CAST: variants seen among roughly 807,000 people sequenced by gnomAD.
CAST encodes calpastatin, also known as MIR583 host.
Under a neutral mutation model 119.6 loss-of-function variants are expected in CAST, and 76 were observed. The observed-to-expected ratio is 0.64, with a 90% CI of 0.53 to 0.77. CAST has a LOEUF of 0.77. Among genes scored for constraint, CAST ranks in the 30% least tolerant of loss-of-function variants. CAST has a pLI of 0.00. For synonymous variants in CAST, 319 were observed against 331.6 expected (o/e 0.96, Z 0.41); for missense variants, 953 against 946.5 (o/e 1.01, Z -0.09).
At chr5:96,131,418 T>C in the CAST span, among the ~76,000 whole-genome samples, 4 of 148,050 alleles carry the variant, frequency 2.7e-5, no homozygotes, top group South Asian at 4.3e-4. Context: ...CTTGTTATTA[T>C]ACACACACAC....
At chr5:96,155,428 A>G in the CAST span, among the ~76,000 whole-genome samples, 1 of 152,248 alleles carries the variant, frequency 6.6e-6, no homozygotes. Context: ...ATACTGGGAA[A>G]TACAGTGATG....
chr5:96,063,331 T>C, the CAST span, among the ~76,000 whole-genome samples: 2 of 152,128 alleles, frequency 1.3e-5, no homozygotes, highest in African/African-American at 4.8e-5. Flanking sequence ...TGTGGAGTTA[T>C]AAAGTCTCAA....
At chr5:96,538,336 G>T (rs1409496199) in intron 1 of CAST, among the ~76,000 whole-genome samples, 1 of 152,122 alleles carries the variant, frequency 6.6e-6, no homozygotes, top group Admixed American at 6.5e-5. Context: ...GCAATATGTG[G>T]ATATGATCCT....
chr5:96,530,416 G>T (rs542446437), intron 1 of CAST, among the ~76,000 whole-genome samples: 1 of 152,166 alleles, frequency 6.6e-6, no homozygotes, highest in African/African-American at 2.4e-5. Flanking sequence ...GGTGATACTG[G>T]AAACCAATAA....
the CAST span, among the ~76,000 whole-genome samples, chr5:96,139,531 CATATATAT>C: frequency 0.019 from 2,361 of 121,660 alleles, 53 homozygotes; most frequent in African/African-American, 0.07. Context: ...TATATATATA[CATATATAT>C]ATGTATATGT....
the CAST span, among the ~76,000 whole-genome samples, chr5:96,389,935 A>C: frequency 6.6e-6 from 1 of 152,060 alleles, no homozygotes; most frequent in Non-Finnish European, 1.5e-5. Flanking sequence ...ACTCTAGCAA[A>C]AGAAAAAAAA....
At chr5:95,973,140 C>T in the CAST span, 1 of 173,090 alleles carries the variant, frequency 5.8e-6, no homozygotes, top group Non-Finnish European at 1.3e-5. Flanking sequence ...TTGTGCTTTC[C>T]TTTCCTTTCC....
At chr5:95,986,419 T>A in the CAST span, 1 of 152,210 alleles carries the variant, frequency 6.6e-6, no homozygotes, top group Non-Finnish European at 1.5e-5. Flanking sequence ...ACTTAGCTAG[T>A]CTGAGTGATA....
the CAST span, among the ~76,000 whole-genome samples, chr5:95,990,178 T>C: frequency 7.6e-3 from 1,164 of 152,190 alleles, 13 homozygotes; most frequent in African/African-American, 0.027. Context: ...CCATGTCTGT[T>C]CCCTTAAGCC....
At chr5:96,622,916 T>G (rs1399945163) in intron 1 of CAST, among the ~76,000 whole-genome samples, 1 of 100,224 alleles carries the variant, frequency 1.0e-5, no homozygotes, top group Non-Finnish European at 1.9e-5. Flanking sequence ...CAGGCTGGAG[T>G]GCAGTGGCGG....
At chr5:95,993,259 C>T in the CAST span, among the ~76,000 whole-genome samples, 1 of 152,110 alleles carries the variant, frequency 6.6e-6, no homozygotes, top group African/African-American at 2.4e-5. Flanking sequence ...AGACCCTACA[C>T]AGAAATTAAT....
chr5:96,668,604 C>G (rs1429788159), intron 1 of CAST, among the ~76,000 whole-genome samples: 2 of 152,260 alleles, frequency 1.3e-5, no homozygotes, highest in Non-Finnish European at 1.5e-5. Context: ...CATAAATTTG[C>G]CAGCCCCTGG....
chr5:96,696,218 T>A (rs1199261759), intron 3 of CAST: 1 of 170,264 alleles, frequency 5.9e-6, no homozygotes, highest in Non-Finnish European at 1.3e-5. Flanking sequence ...AACGTAGTGC[T>A]CCCACTTTAG....
intron 1 of CAST, among the ~76,000 whole-genome samples, chr5:96,566,611 G>A (rs1044846396): frequency 6.6e-6 from 1 of 152,168 alleles, no homozygotes; most frequent in South Asian, 2.1e-4. Flanking sequence ...CATATTCAGA[G>A]CACTGAGCTA....
At chr5:96,294,490 G>C in the CAST span, among the ~76,000 whole-genome samples, 1 of 152,192 alleles carries the variant, frequency 6.6e-6, no homozygotes, top group African/African-American at 2.4e-5. Flanking sequence ...TAATGTCCAG[G>C]AAGTTGATTT....
intron 1 of CAST, among the ~76,000 whole-genome samples, chr5:96,607,263 G>A (rs1202730425): frequency 2.0e-5 from 3 of 152,180 alleles, no homozygotes; most frequent in African/African-American, 7.2e-5. Flanking sequence ...ACTCCAGCCT[G>A]GGCGACAGAG....
At chr5:96,004,483 A>G in the CAST span, among the ~76,000 whole-genome samples, 1 of 152,240 alleles carries the variant, frequency 6.6e-6, no homozygotes, top group Non-Finnish European at 1.5e-5. Flanking sequence ...ATTTTATTAT[A>G]TAAGTGTTCT....
At chr5:96,620,110 C>G (rs184962776) in intron 1 of CAST, among the ~76,000 whole-genome samples, 5 of 152,296 alleles carry the variant, frequency 3.3e-5, no homozygotes, top group African/African-American at 1.2e-4. Context: ...GCTGTTATGA[C>G]CGGAAGGCCA....
chr5:96,295,775 AAAGCAG>A, the CAST span, among the ~76,000 whole-genome samples: 12 of 152,240 alleles, frequency 7.9e-5, no homozygotes, highest in Non-Finnish European at 1.8e-4. Flanking sequence ...AGTGTCACGT[AAAGCAG>A]ACTGCTTGTT....
Sources: gnomAD v4.1 joint callset for allele counts (sites outside exome capture counted in the v4.1 genomes callset) on GRCh38, gnomAD v4.1.1 for gene constraint, MANE v1.5 for transcripts, NCBI Gene and HGNC (gene_info 2026-07-23, HGNC 2026-07-21) for gene names.